SLC9B1: variants seen among roughly 807,000 people sequenced by gnomAD.
The protein encoded by SLC9B1 is solute carrier family 9 member B1.
In SLC9B1, 32 loss-of-function variants were observed where a neutral mutation model predicts 51.7. The observed-to-expected ratio is 0.62, with a 90% confidence interval of 0.47 to 0.83. The LOEUF is 0.83. Ranked by LOEUF, SLC9B1 falls within the 40% of genes least tolerant of loss-of-function variation. SLC9B1 has a pLI of 0.00. For synonymous variants in SLC9B1, 145 were observed against 212.7 expected (o/e 0.68, Z 2.77); for missense variants, 406 against 613.2 (o/e 0.66, Z 3.57).
chr4:102,962,435 A>C (rs1738186739), intron 3 of SLC9B1: 1 of 524,762 alleles, frequency 1.9e-6, no homozygotes. Context: ...CTTCCACTGA[A>C]TACACTAGAA....
chr4:102,997,292 T>C (rs940765563), intron 1 of SLC9B1, among the ~76,000 whole-genome samples: 1 of 152,238 alleles, frequency 6.6e-6, no homozygotes, highest in Non-Finnish European at 1.5e-5. Context: ...CTTAACAATA[T>C]TGAGTCTTCC....
chr4:102,943,628 G>T (rs981280001), intron 6 of SLC9B1, among the ~76,000 whole-genome samples: 2 of 152,030 alleles, frequency 1.3e-5, no homozygotes, highest in Non-Finnish European at 2.9e-5. Context: ...TATTCTAAGT[G>T]AAGTAATTCA....
chr4:102,960,891 C>G (rs764006031), intron 3 of SLC9B1, among the ~76,000 whole-genome samples: 8 of 151,886 alleles, frequency 5.3e-5, no homozygotes, highest in Non-Finnish European at 1.2e-4. Flanking sequence ...CAGCACCATA[C>G]CCGGCTAATT....
chr4:102,921,274 A>G (rs1036565054), intron 7 of SLC9B1, among the ~76,000 whole-genome samples: 1 of 152,228 alleles, frequency 6.6e-6, no homozygotes, highest in Non-Finnish European at 1.5e-5. Flanking sequence ...CTTAAAGAAA[A>G]GAATTTTCAA....
intron 7 of SLC9B1, among the ~76,000 whole-genome samples, chr4:102,931,695 A>G (rs1030256516): frequency 6.6e-6 from 1 of 152,224 alleles, no homozygotes; most frequent in African/African-American, 2.4e-5. Flanking sequence ...ATTAAGGCAT[A>G]TGGCTGACCC....
At chr4:102,925,382 C>T (rs1736106935) in intron 7 of SLC9B1, among the ~76,000 whole-genome samples, 1 of 152,040 alleles carries the variant, frequency 6.6e-6, no homozygotes, top group African/African-American at 2.4e-5. Flanking sequence ...GGGTGGGGAA[C>T]ATCACACACT....
At chr4:103,001,879 A>C (rs1369587438) in intron 1 of SLC9B1, among the ~76,000 whole-genome samples, 1 of 152,242 alleles carries the variant, frequency 6.6e-6, no homozygotes, top group Admixed American at 6.5e-5. Flanking sequence ...ATTTATAAAC[A>C]AAAGAGGTTT....
Sources: gnomAD v4.1 joint callset for allele counts (sites outside exome capture counted in the v4.1 genomes callset) on GRCh38, gnomAD v4.1.1 for gene constraint, MANE v1.5 for transcripts, NCBI Gene and HGNC (gene_info 2026-07-23, HGNC 2026-07-21) for gene names.